Variants in CNTN5 observed in about 807,000 individuals in gnomAD.
The protein encoded by CNTN5 is contactin 5, also known as contactin-5.
CNTN5 carries 77 observed loss-of-function variants against 129.1 expected under a neutral mutation model. The observed-to-expected ratio is 0.60, with a 90% CI of 0.50 to 0.72. CNTN5 has a LOEUF of 0.72. CNTN5 is among the 30% of genes least tolerant of loss of function. The pLI is 0.00. For missense variants in CNTN5, 1,478 were observed against 1,328.8 expected, an observed-to-expected ratio of 1.11 and a Z score of -1.75; for synonymous variants, 509 against 465.6, an observed-to-expected ratio of 1.09 and a Z score of -1.20.
intron 9 of CNTN5, among the ~76,000 whole-genome samples, chr11:100,023,991 C>T (rs147116991): frequency 1.3e-4 from 20 of 152,106 alleles, no homozygotes; most frequent in Middle Eastern, 3.4e-3. Flanking sequence ...GGTTTTGTGT[C>T]GATATAAGTT....
At chr11:99,178,314 CCACACACACACACACACACACA>C (rs71046672) in intron 1 of CNTN5, among the ~76,000 whole-genome samples, 14 of 125,572 alleles carry the variant, frequency 1.1e-4, no homozygotes, top group South Asian at 2.9e-4. Context: ...GACCTCATCT[CCACACACACACACACACACACA>C]CACACACACA....
intron 4 of CNTN5, among the ~76,000 whole-genome samples, chr11:99,841,896 ATT>A (rs1555131155): frequency 1.4e-3 from 31 of 22,962 alleles, no homozygotes; most frequent in Admixed American, 3.6e-3. Context: ...ATATATATAT[ATT>A]TTTTTTTTAT....
chr11:100,017,358 C>CT (rs1033731885), intron 9 of CNTN5, among the ~76,000 whole-genome samples: 4 of 151,954 alleles, frequency 2.6e-5, no homozygotes, highest in African/African-American at 9.7e-5. Context: ...CCAATGCATA[C>CT]TTTTTTTGCA....
At chr11:99,339,562 G>A (rs892919445) in intron 2 of CNTN5, among the ~76,000 whole-genome samples, 1 of 151,998 alleles carries the variant, frequency 6.6e-6, no homozygotes, top group South Asian at 2.1e-4. Flanking sequence ...GGTGGATCAC[G>A]AAGTCAGGAG....
chr11:100,096,162 G>A (rs181910935), intron 13 of CNTN5, among the ~76,000 whole-genome samples: 1 of 152,044 alleles, frequency 6.6e-6, no homozygotes, highest in African/African-American at 2.4e-5. Context: ...AGAAACCCAT[G>A]TTTTTATTTT....
intron 1 of CNTN5, among the ~76,000 whole-genome samples, chr11:99,059,045 CTCCT>C (rs1024081553): frequency 2.0e-5 from 3 of 147,988 alleles, no homozygotes; most frequent in Non-Finnish European, 3.0e-5. Flanking sequence ...CCCTCCCTCC[CTCCT>C]TCCTTCCTTC....
At chr11:99,381,981 A>AAAAC (rs34922827) in intron 2 of CNTN5, among the ~76,000 whole-genome samples, 130,312 of 151,180 alleles carry the variant, frequency 0.86, 56,336 homozygotes, top group African/African-American at 0.94. Flanking sequence ...TCTCCCTTTA[A>AAAAC]AAACAAACAA....
At chr11:100,102,086 T>A (rs554859418) in intron 13 of CNTN5, among the ~76,000 whole-genome samples, 1 of 152,170 alleles carries the variant, frequency 6.6e-6, no homozygotes, top group Non-Finnish European at 1.5e-5. Context: ...TTTGGGTAGA[T>A]ACCCAGTAGT....
chr11:100,025,705 T>C (rs1471216224), intron 9 of CNTN5, among the ~76,000 whole-genome samples: 1 of 152,202 alleles, frequency 6.6e-6, no homozygotes, highest in Non-Finnish European at 1.5e-5. Flanking sequence ...TCAAAGGAGA[T>C]CATTTCAGAG....
chr11:99,849,937 A>T (rs1565603326), intron 6 of CNTN5, among the ~76,000 whole-genome samples: 1 of 152,178 alleles, frequency 6.6e-6, no homozygotes, highest in South Asian at 2.1e-4. Context: ...ACTTTAATTA[A>T]ATTGGAATCT....
chr11:99,909,706 C>G (rs1843476189), intron 6 of CNTN5, among the ~76,000 whole-genome samples: 1 of 151,520 alleles, frequency 6.6e-6, no homozygotes, highest in South Asian at 2.1e-4. Context: ...CAAACTATCA[C>G]AAGGACAAAA....
In CNTN5 at chr11:99,800,354, A is replaced by G. The variant is rs551291404; in HGVS notation, c.56-19190A>G. Among the ~76,000 whole-genome samples the G allele has an allele frequency of 1.8e-4, 27 of 152,248 alleles. 1 individual carries two copies. In the East Asian group the frequency reaches 4.6e-3, roughly 26 times the overall value. ...ATTTAGTTAACTTACTGAGACTTGC[A>G]TTATGACCCAGCATGTAGTTGATGT... On this transcript the variant is annotated intron_variant, in intron 3 of 24. Transcript: ENST00000524871.
intron 4 of CNTN5, among the ~76,000 whole-genome samples, chr11:99,822,446 A>T (rs1412562771): frequency 6.6e-6 from 1 of 152,224 alleles, no homozygotes; most frequent in Non-Finnish European, 1.5e-5. Context: ...ATAGACCTCA[A>T]AATAGAGAGT....
chr11:99,766,913 G>T (rs1944775790), intron 3 of CNTN5, among the ~76,000 whole-genome samples: 1 of 152,124 alleles, frequency 6.6e-6, no homozygotes, highest in South Asian at 2.1e-4. Context: ...CTTTAAAAAA[G>T]ACAGGTTGTG....
intron 13 of CNTN5, among the ~76,000 whole-genome samples, chr11:100,079,422 C>T (rs1040132947): frequency 6.6e-6 from 1 of 152,074 alleles, no homozygotes; most frequent in Non-Finnish European, 1.5e-5. Flanking sequence ...GTCCGCAAAT[C>T]ACTATTCTTT....
chr11:99,636,937 C>T, intron 3 of CNTN5, among the ~76,000 whole-genome samples: 4 of 72,344 alleles, frequency 5.5e-5, no homozygotes, highest in East Asian at 3.7e-4. Flanking sequence ...CACTTGAGCC[C>T]AGGAGGCAGA....
At chr11:99,157,996 C>T (rs1181255826) in intron 1 of CNTN5, among the ~76,000 whole-genome samples, 1 of 152,100 alleles carries the variant, frequency 6.6e-6, no homozygotes, top group Non-Finnish European at 1.5e-5. Context: ...TAATTCACTA[C>T]CTTTGTGTTA....
intron 20 of CNTN5, among the ~76,000 whole-genome samples, chr11:100,306,010 G>T (rs143680946): frequency 6.6e-5 from 10 of 151,258 alleles, no homozygotes; most frequent in East Asian, 1.9e-4. Context: ...ACAAATTTTG[G>T]GGGGGGCACA....
intron 13 of CNTN5, among the ~76,000 whole-genome samples, chr11:100,082,574 G>A (rs1420026176): frequency 6.6e-6 from 1 of 152,098 alleles, no homozygotes; most frequent in African/African-American, 2.4e-5. Context: ...TTATACGTGT[G>A]AGCCACTCTG....
Sources: gnomAD v4.1 joint callset for allele counts (sites outside exome capture counted in the v4.1 genomes callset) on GRCh38, gnomAD v4.1.1 for gene constraint, MANE v1.5 for transcripts, NCBI Gene and HGNC (gene_info 2026-07-23, HGNC 2026-07-21) for gene names.